The following MLLT3 variants were observed in gnomAD, a reference collection of about 807,000 sequenced individuals.
MLLT3 encodes the protein MLLT3 super elongation complex subunit, also known as protein AF-9.
Under a neutral mutation model 53.2 loss-of-function variants are expected in MLLT3, and 4 were observed. The ratio of observed to expected loss-of-function variants is 0.08; its 90% CI spans 0.04 to 0.17. The LOEUF (loss-of-function observed/expected upper bound fraction) is 0.17. Ranked by LOEUF, MLLT3 falls within the 10% of genes least tolerant of loss-of-function variation. The pLI is 1.00. For missense variants in MLLT3, 569 were observed against 684.0 expected (o/e 0.83, Z 1.87); for synonymous variants, 283 against 230.6 (o/e 1.23, Z -2.06).
chr9:20,469,296 C>A (rs941707914), intron 2 of MLLT3, among the ~76,000 whole-genome samples: 18 of 152,006 alleles, frequency 1.2e-4, no homozygotes, highest in Non-Finnish European at 2.4e-4. Context: ...AAATATCATG[C>A]CTTTAAAATG....
At chr9:20,423,287 C>T (rs1424908959) in intron 4 of MLLT3, among the ~76,000 whole-genome samples, 1 of 152,032 alleles carries the variant, frequency 6.6e-6, no homozygotes, top group Non-Finnish European at 1.5e-5. Context: ...TAACCTGGGC[C>T]AGAAATGAAA....
intron 2 of MLLT3, among the ~76,000 whole-genome samples, chr9:20,597,897 T>A (rs1820317744): frequency 2.0e-5 from 3 of 152,224 alleles, no homozygotes; most frequent in African/African-American, 4.8e-5. Context: ...TTCTTTAAAC[T>A]TAGATATCTG....
intron 4 of MLLT3, among the ~76,000 whole-genome samples, chr9:20,421,517 TA>T (rs1389107505): frequency 6.6e-6 from 1 of 152,104 alleles, no homozygotes; most frequent in East Asian, 1.9e-4. Flanking sequence ...AACATTATAA[TA>T]CCCAACATAA....
intron 5 of MLLT3, among the ~76,000 whole-genome samples, chr9:20,386,987 G>GT (rs1430137631): frequency 6.6e-6 from 1 of 152,138 alleles, no homozygotes. Flanking sequence ...TGCTTTGTGT[G>GT]TAAGTTATCT....
chr9:20,384,046 A>G (rs1010165013), intron 5 of MLLT3, among the ~76,000 whole-genome samples: 6 of 152,052 alleles, frequency 3.9e-5, no homozygotes, highest in African/African-American at 1.4e-4. Flanking sequence ...TTGCAGAAAA[A>G]GTGGGCCCTA....
intron 2 of MLLT3, among the ~76,000 whole-genome samples, chr9:20,536,478 A>C (rs987963944): frequency 6.6e-6 from 1 of 152,206 alleles, no homozygotes; most frequent in Non-Finnish European, 1.5e-5. Flanking sequence ...TTTAATACTG[A>C]GCACGCCATA....
At chr9:20,567,540 T>C (rs1485115108) in intron 2 of MLLT3, among the ~76,000 whole-genome samples, 1 of 152,134 alleles carries the variant, frequency 6.6e-6, no homozygotes, top group Non-Finnish European at 1.5e-5. Context: ...TGAAATTTCA[T>C]TTAATTTGGC....
chr9:20,590,150 CT>C (rs1450890913), intron 2 of MLLT3, among the ~76,000 whole-genome samples: 1 of 152,192 alleles, frequency 6.6e-6, no homozygotes, highest in Non-Finnish European at 1.5e-5. Flanking sequence ...ACCACTCTAA[CT>C]TAGTAGGCTT....
chr9:20,595,955 A>G (rs1479491309), intron 2 of MLLT3, among the ~76,000 whole-genome samples: 1 of 152,226 alleles, frequency 6.6e-6, no homozygotes, highest in Non-Finnish European at 1.5e-5. Flanking sequence ...TGACTGAGGA[A>G]TTAAATGTTT....
chr9:20,579,305 G>A (rs1220253232), intron 2 of MLLT3, among the ~76,000 whole-genome samples: 2 of 151,930 alleles, frequency 1.3e-5, no homozygotes, highest in East Asian at 3.9e-4. Context: ...AGGAGTCAAA[G>A]GCTGCAATGA....
chr9:20,575,870 G>A (rs1324840570), intron 2 of MLLT3, among the ~76,000 whole-genome samples: 2 of 152,188 alleles, frequency 1.3e-5, no homozygotes, highest in South Asian at 4.1e-4. Flanking sequence ...AAAGTCAGCA[G>A]CTGCATTAGC....
intron 4 of MLLT3, among the ~76,000 whole-genome samples, chr9:20,426,712 T>C (rs550671362): frequency 7.2e-5 from 11 of 152,208 alleles, no homozygotes; most frequent in African/African-American, 2.4e-4. Context: ...GGTGGACTCT[T>C]TGGGAGTTCT....
intron 2 of MLLT3, among the ~76,000 whole-genome samples, chr9:20,546,054 G>A (rs1253275675): frequency 6.6e-6 from 1 of 151,620 alleles, no homozygotes; most frequent in African/African-American, 2.4e-5. Flanking sequence ...ATTATGAAAG[G>A]GACAAGATTG....
chr9:20,621,021 C>A lies in MLLT3; in HGVS notation c.13-187G>T. On this transcript the variant is annotated intron_variant, in intron 1 of 10. Coordinates refer to ENST00000380338, the MANE Select transcript of MLLT3 (RefSeq NM_004529.4). The surrounding 1 kb of genome is among the most constrained non-coding windows in gnomAD (Gnocchi z 7.0). The stretch of plus-strand genomic sequence containing the variant: ...CACACCCCCAAATATACCCGCCCGC[C>A]CGGCCCGGCTTGGCCCCAGGCGCCC... 1 of 759,398 alleles carries A rather than the reference C, an allele frequency of 1.3e-6. No homozygotes were observed. Among genetic ancestry groups the A allele is most frequent in the Non-Finnish European group, 2.3e-6 (1 of 441,436 alleles). The allele number at this position is 759,398 out of a possible 1,614,324, so 47.0% of individuals were successfully genotyped here.
chr9:20,600,128 AAAAAAAAAACAAAAAAC>A (rs1406307382), intron 2 of MLLT3, among the ~76,000 whole-genome samples: 2 of 78,776 alleles, frequency 2.5e-5, no homozygotes, highest in Non-Finnish European at 5.4e-5. Context: ...TGTTGTCCAA[AAAAAAAAAACAAAAAAC>A]AAAAAAAAAA....
intron 5 of MLLT3, among the ~76,000 whole-genome samples, chr9:20,367,179 G>A (rs572059778): frequency 7.9e-5 from 12 of 151,902 alleles, no homozygotes; most frequent in African/African-American, 2.7e-4. Flanking sequence ...AATCTCTTAC[G>A]CTCTATGAAT....
intron 4 of MLLT3, among the ~76,000 whole-genome samples, chr9:20,414,993 T>G (rs1362020066): frequency 6.6e-6 from 1 of 152,146 alleles, no homozygotes; most frequent in East Asian, 1.9e-4. Context: ...CAGATTGTAT[T>G]TGGGGAACAC....
intron 4 of MLLT3, among the ~76,000 whole-genome samples, chr9:20,443,794 A>G (rs994897560): frequency 2.0e-5 from 3 of 152,236 alleles, no homozygotes; most frequent in African/African-American, 7.2e-5. Flanking sequence ...GCCATACACC[A>G]TGGTTACACG....
chr9:20,448,388 C>A lies in MLLT3; in HGVS notation c.277-122G>T. On this transcript the variant is annotated intron_variant, in intron 3 of 10. Transcript: ENST00000380338. The surrounding 1 kb of genome is among the most constrained non-coding windows in gnomAD (Gnocchi z 4.0). ...CTAAGACATCTAACAGCTAAACTGT[C>A]AAAGTAGTACTGGGAAAAAAAAAAG... 7 of 752,854 alleles carry A rather than the reference C, an allele frequency of 9.3e-6. No homozygotes were observed. The highest frequency in any genetic ancestry group is 4.6e-5 in the South Asian group (2 of 43,424). 46.6% of individuals were successfully genotyped at this position (752,854 alleles called of 1,614,324 possible). A position where few individuals can be genotyped will look rare whatever the true frequency, so the allele number is the denominator to read the frequency against.
Sources: allele counts gnomAD v4.1 joint callset (sites outside exome capture counted in the v4.1 genomes callset), GRCh38; gene constraint gnomAD v4.1.1; non-coding constraint Gnocchi (gnomAD v3.1); transcripts MANE v1.5; gene names NCBI Gene and HGNC (gene_info 2026-07-23, HGNC 2026-07-21).